EFNA2: variants seen among roughly 807,000 people sequenced by gnomAD.
EFNA2 encodes ephrin-A2.
Under a neutral mutation model 19.7 loss-of-function variants are expected in EFNA2, and 18 were observed. That is an observed-to-expected ratio of 0.91 (90% CI 0.63 to 1.35). The LOEUF (loss-of-function observed/expected upper bound fraction) is 1.35, where lower values mean the gene tolerates loss of function less well. EFNA2 is among the 40% of genes most tolerant of loss of function. The pLI, the probability that EFNA2 is intolerant of heterozygous loss-of-function variation, is 0.00. For synonymous variants in EFNA2, 187 were observed against 137.8 expected (o/e 1.36, Z -2.50); for missense variants, 303 against 296.0 (o/e 1.02, Z -0.17).
chr19:1,295,695 G>A lies in EFNA2; in HGVS notation c.291G>A (p.Glu97=). The change falls in exon 2 of 4, where the codon GAG becomes GAA. Residue 97 remains glutamate (E), a synonymous_variant. Coordinates refer to ENST00000215368, the MANE Select transcript of EFNA2 (RefSeq NM_001405.4). This position sits in a 1 kb window ranked among gnomAD's most constrained non-coding sequence, Gnocchi z 5.8. ...ACGTGCTGTACATGGTCAACGGCGAGGGCCACGCCTCCTGCGACCACCGCC... is the reference window on the plus strand; with the variant it reads ...ACGTGCTGTACATGGTCAACGGCGAAGGCCACGCCTCCTGCGACCACCGCC... ...EHYVLYMVNG[E]GHASCDHRQR... 1.9e-6 allele frequency: 3 copies of A among 1,608,634 alleles called. No homozygotes were observed. The highest frequency in any genetic ancestry group is 2.5e-6 in the Non-Finnish European group (3 of 1,178,036).
In EFNA2 at chr19:1,287,258, CTGGGGGTCCCGTGGGAGCCGGGGCTT is replaced by C. The variant is rs886885000; in HGVS notation, c.140+960_140+985del. Among the ~76,000 whole-genome samples, 9 of 152,152 alleles carry C rather than the reference CTGGGGGTCCCGTGGGAGCCGGGGCTT, an allele frequency of 5.9e-5. No homozygotes were observed. The highest frequency in any genetic ancestry group is 2.2e-4 in the African/African-American group (9 of 41,450). On this transcript the variant is annotated intron_variant, in intron 1 of 3. Coordinates refer to ENST00000215368, the MANE Select transcript of EFNA2 (RefSeq NM_001405.4). This position sits in a 1 kb window ranked among gnomAD's most constrained non-coding sequence, Gnocchi z 6.2. ...AAGACAGGAGCAGGCTGCAGCTTCC[CTGGGGGTCCCGTGGGAGCCGGGGCTT>C]TGGGGGTCCTGGGGCTCGGGAGGGA... is the stretch of plus-strand genomic sequence containing the variant.
In EFNA2 at chr19:1,292,058, C is replaced by G. The variant is rs111672504; in HGVS notation, c.141-3487C>G. Among the ~76,000 whole-genome samples the G allele has an allele frequency of 1.8e-3, 268 of 152,352 alleles. 1 individual carries two copies. The highest frequency in any genetic ancestry group is 6.2e-3 in the East Asian group (32 of 5,188). ...TTAGTGAGAATTTCAGTCTCTCTGC[C>G]GCTCCGGGGAGGATTTGCATATCGA... is the stretch of plus-strand genomic sequence containing the variant. On this transcript the variant is annotated intron_variant, in intron 1 of 3. Transcript: ENST00000215368.
chr19:1,284,429 G>A (rs1365410649), upstream of EFNA2, among the ~76,000 whole-genome samples: 1 of 152,246 alleles, frequency 6.6e-6, no homozygotes, highest in African/African-American at 2.4e-5. This position sits in a 1 kb window ranked among gnomAD's most constrained non-coding sequence, Gnocchi z 5.3. Context: ...CTGGAGGAGA[G>A]AGAACTGAGA....
In EFNA2 at chr19:1,293,519, C is replaced by T. The variant is rs545036037; in HGVS notation, c.141-2026C>T. Among the ~76,000 whole-genome samples the T allele has an allele frequency of 1.2e-3, 183 of 152,302 alleles. 1 individual carries two copies. The highest frequency in any genetic ancestry group is 4.1e-3 in the African/African-American group (170 of 41,562). The stretch of plus-strand genomic sequence containing the variant: ...GGAAAGGGAGCCTCTGAGAGGAGGC[C>T]GGACCTCGAGACCCAAGGGTTCAAA... On this transcript the variant is annotated intron_variant, in intron 1 of 3. Coordinates refer to ENST00000215368, the MANE Select transcript of EFNA2 (RefSeq NM_001405.4).
Position 1,286,264 on chromosome 19 carries a change from C to G in EFNA2, c.96C>G (p.Ala32=). 1 of 1,120,406 alleles carries G rather than the reference C, an allele frequency of 8.9e-7. No homozygotes were observed. The highest frequency in any genetic ancestry group is 1.1e-6 in the Non-Finnish European group (1 of 903,302). 69.4% of individuals were successfully genotyped at this position (1,120,406 alleles called of 1,614,324 possible). A position where few individuals can be genotyped will look rare whatever the true frequency, so the allele number is the denominator to read the frequency against. ...CGCGCGCCGAGGACGCCGCCCGCGCCAACTCGGACCGCTACGCCGTCTACT... is the reference window on the plus strand; with the variant it reads ...CGCGCGCCGAGGACGCCGCCCGCGCGAACTCGGACCGCTACGCCGTCTACT... ...PFARAEDAAR[A]NSDRYAVYWN... The change falls in exon 1 of 4, where the codon GCC becomes GCG. Residue 32 remains alanine, a synonymous_variant. Coordinates refer to ENST00000215368, the MANE Select transcript of EFNA2 (RefSeq NM_001405.4). This position sits in a 1 kb window ranked among gnomAD's most constrained non-coding sequence, Gnocchi z 5.6.
At chr19:1,299,095 G>A (rs532297383) in intron 3 of EFNA2, among the ~76,000 whole-genome samples, 5 of 152,164 alleles carry the variant, frequency 3.3e-5, no homozygotes, top group African/African-American at 9.6e-5. Flanking sequence ...AAATTTAGCC[G>A]GGCCTGGTGG....
At chr19:1,290,556 G>C (rs1345621715) in intron 1 of EFNA2, among the ~76,000 whole-genome samples, 1 of 152,198 alleles carries the variant, frequency 6.6e-6, no homozygotes, top group Non-Finnish European at 1.5e-5. Context: ...GGGGGTCCGG[G>C]TGGTAGCGTT....
At chr19:1,288,312 G>T (rs1411848265) in intron 1 of EFNA2, among the ~76,000 whole-genome samples, 1 of 152,228 alleles carries the variant, frequency 6.6e-6, no homozygotes, top group Non-Finnish European at 1.5e-5. Flanking sequence ...CTGTGCCTGA[G>T]TGGCGGGGGT....
At chr19:1,288,797 G>T (rs1365668967) in intron 1 of EFNA2, among the ~76,000 whole-genome samples, 2 of 151,926 alleles carry the variant, frequency 1.3e-5, no homozygotes, top group African/African-American at 4.8e-5. Flanking sequence ...GGTCTGGCTG[G>T]CCGGCCCCGC....
At chr19:1,291,074 C>T (rs896365744) in intron 1 of EFNA2, among the ~76,000 whole-genome samples, 2 of 152,210 alleles carry the variant, frequency 1.3e-5, no homozygotes, top group African/African-American at 4.8e-5. Context: ...CGGTGACTCA[C>T]CCAAGGCCAC....
At chr19:1,293,114 G>T (rs545087914) in intron 1 of EFNA2, among the ~76,000 whole-genome samples, 1 of 152,296 alleles carries the variant, frequency 6.6e-6, no homozygotes, top group East Asian at 1.9e-4. Flanking sequence ...GGAAACTGAG[G>T]CCAGAGGGCA....
At chr19:1,288,742 C>T (rs1014061925) in intron 1 of EFNA2, among the ~76,000 whole-genome samples, 1 of 152,000 alleles carries the variant, frequency 6.6e-6, no homozygotes, top group Non-Finnish European at 1.5e-5. Flanking sequence ...CAGGGGACCC[C>T]GCACCCACCT....
At chr19:1,290,143 G>A (rs891270948) in intron 1 of EFNA2, among the ~76,000 whole-genome samples, 1 of 151,972 alleles carries the variant, frequency 6.6e-6, no homozygotes, top group Admixed American at 6.6e-5. Flanking sequence ...GGTGCGGCTC[G>A]GCCGATAGGG....
In EFNA2 at chr19:1,286,260, G is replaced by A; in HGVS notation, c.92G>A (p.Arg31His). 1 of 1,125,436 alleles carries A rather than the reference G, an allele frequency of 8.9e-7. No individual in the cohort carries two copies. Among genetic ancestry groups the A allele is most frequent in the South Asian group, 2.0e-5 (1 of 50,968 alleles). 69.7% of individuals were successfully genotyped at this position (1,125,436 alleles called of 1,614,324 possible). ...PPFARAEDAA[R>H]ANSDRYAVYW... ...TTCGCGCGCGCCGAGGACGCCGCCC[G>A]CGCCAACTCGGACCGCTACGCCGTC... Residue 31 changes from arginine to histidine, a missense_variant, in exon 1 of 4, where the codon CGC becomes CAC. Arg to His is a conservative substitution (Grantham distance 29). Transcript: ENST00000215368. The surrounding 1 kb of genome is among the most constrained non-coding windows in gnomAD (Gnocchi z 5.6).
rs1042397407 is a variant in EFNA2 at position 1,287,008 on chromosome 19, G to T, written c.140+700G>T. Among the ~76,000 whole-genome samples the T allele has an allele frequency of 6.6e-6, 1 of 152,206 alleles. No individual in the cohort carries two copies. The highest frequency in any genetic ancestry group is 1.5e-5 in the Non-Finnish European group (1 of 68,026). On this transcript the variant is annotated intron_variant, in intron 1 of 3. Coordinates refer to ENST00000215368, the MANE Select transcript of EFNA2 (RefSeq NM_001405.4). The surrounding 1 kb of genome is among the most constrained non-coding windows in gnomAD (Gnocchi z 6.2). ...AGGAGCTGGCTCAAGGTCATGCAAG[G>T]GGGGGACTTGGGGGCAGGACCCAGG...
chr19:1,295,701 C>G lies in EFNA2; in HGVS notation c.297C>G (p.His99Gln), dbSNP rs773730831. 4 of 1,608,170 alleles carry G rather than the reference C, an allele frequency of 2.5e-6. No individual in the cohort carries two copies. The South Asian group carries it at 4.4e-5, about 18-fold the overall frequency. Residue 99 changes from histidine (H) to glutamine (Q), a missense_variant, in exon 2 of 4, where the codon CAC (histidine) becomes CAG (glutamine). Transcript: ENST00000215368. This position sits in a 1 kb window ranked among gnomAD's most constrained non-coding sequence, Gnocchi z 5.8. ...TGTACATGGTCAACGGCGAGGGCCA[C>G]GCCTCCTGCGACCACCGCCAGCGCG... ...YVLYMVNGEG[H>Q]ASCDHRQRGF...
At position 1,298,878 on chromosome 19, in the gene EFNA2, G is replaced by T. The variant is rs113090235; in HGVS notation, c.520+262G>T. Among the ~76,000 whole-genome samples the T allele has an allele frequency of 2.0e-3, 305 of 152,336 alleles. 1 individual carries two copies. Among genetic ancestry groups the T allele is most frequent in the African/African-American group, 7.0e-3 (290 of 41,574 alleles). Reference sequence around the variant, plus strand: ...GAGAATCAATTGAGCCCAGGAGGCCGAGGCTGCAGTGAGCAGAGATCACGC... The same window carrying T: ...GAGAATCAATTGAGCCCAGGAGGCCTAGGCTGCAGTGAGCAGAGATCACGC... On this transcript the variant is annotated intron_variant, in intron 3 of 3. Transcript: ENST00000215368.
rs1178179337 is a variant in EFNA2 at position 1,298,600 on chromosome 19, G to A, written c.504G>A (p.Val168=). ...ACCGGCCCTGCCTGCGACTGAAGGT[G>A]TACGTGCGGCCGACCAGTAAGTGCT... ...AVDRPCLRLK[V]YVRPTNETLY... Residue 168 remains valine (V), a synonymous_variant, in exon 3 of 4, where the codon GTG becomes GTA. Coordinates refer to ENST00000215368, the MANE Select transcript of EFNA2 (RefSeq NM_001405.4). The A allele has an allele frequency of 3.7e-6, 6 of 1,614,008 alleles. No homozygotes were observed. The highest frequency in any genetic ancestry group is 1.1e-5 in the South Asian group (1 of 91,068).
rs1036405724 is a variant in EFNA2 at position 1,300,743 on chromosome 19, T to C, written c.*798T>C. Among the ~76,000 whole-genome samples, 28 of 152,070 alleles carry C rather than the reference T, an allele frequency of 1.8e-4. No homozygotes were observed. Among genetic ancestry groups the C allele is most frequent in the Non-Finnish European group, 1.8e-4 (12 of 68,002 alleles). ...CAGACACTGTTTTGCCCCAGCGCCC[T>C]TCGGAATCACAGTCCCGCCGTGTCT... On this transcript the variant is annotated 3_prime_UTR_variant, in exon 4 of 4. Transcript: ENST00000215368.
Sources: allele counts gnomAD v4.1 joint callset (sites outside exome capture counted in the v4.1 genomes callset), GRCh38; gene constraint gnomAD v4.1.1; non-coding constraint Gnocchi (gnomAD v3.1); transcripts MANE v1.5; gene names NCBI Gene and HGNC (gene_info 2026-07-23, HGNC 2026-07-21).